ROBO1: variants seen among roughly 807,000 people sequenced by gnomAD.
ROBO1 encodes roundabout homolog 1.
Under a neutral mutation model 195.9 loss-of-function variants are expected in ROBO1, and 149 were observed. The ratio of observed to expected loss-of-function variants is 0.76; its 90% CI spans 0.67 to 0.87. The LOEUF is 0.87. ROBO1 is among the 40% of genes least tolerant of loss of function. The pLI is 0.00. For synonymous variants in ROBO1, 816 were observed against 733.2 expected (o/e 1.11, Z -1.82); for missense variants, 1,933 against 2,068.3 (o/e 0.93, Z 1.27).
intron 3 of ROBO1, among the ~76,000 whole-genome samples, chr3:78,959,432 T>C (rs1303917190): frequency 6.6e-6 from 1 of 152,206 alleles, no homozygotes; most frequent in Non-Finnish European, 1.5e-5. Context: ...TTTTTTATAT[T>C]AATTTTAAAA....
At chr3:79,183,104 TAGAG>T (rs1195889915) in intron 2 of ROBO1, among the ~76,000 whole-genome samples, 65 of 138,078 alleles carry the variant, frequency 4.7e-4, no homozygotes, top group African/African-American at 1.8e-3. Flanking sequence ...AAAAGATACA[TAGAG>T]AGAAATTAAT....
At chr3:78,728,314 C>T (rs1359878000) in intron 5 of ROBO1, among the ~76,000 whole-genome samples, 4 of 152,082 alleles carry the variant, frequency 2.6e-5, no homozygotes, top group Non-Finnish European at 4.4e-5. Context: ...CACAGGCTGT[C>T]GGGTAAACTT....
chr3:78,680,430 T>C lies in ROBO1; in HGVS notation c.1342+5316A>G, dbSNP rs567061701. ...ATGGGAGAAAATTTTCACAACCTAC[T>C]CATCTGACAAAGGGCTAATATCCGG... is the stretch of plus-strand genomic sequence containing the variant. On this transcript the variant is annotated intron_variant, in intron 10 of 30. Coordinates refer to ENST00000464233, the MANE Select transcript of ROBO1 (RefSeq NM_002941.4). Among the ~76,000 whole-genome samples, 35 of 152,012 alleles carry C rather than the reference T, an allele frequency of 2.3e-4. No individual in the cohort carries two copies. In the East Asian group the frequency reaches 6.6e-3, roughly 29 times the overall value.
intron 4 of ROBO1, among the ~76,000 whole-genome samples, chr3:78,850,099 G>A (rs1229436885): frequency 2.0e-5 from 3 of 152,114 alleles, no homozygotes; most frequent in Non-Finnish European, 2.9e-5. Context: ...AAGCCTTGAT[G>A]TGTTCCAGGC....
chr3:78,921,793 C>T (rs2038949596), intron 4 of ROBO1, among the ~76,000 whole-genome samples: 1 of 141,996 alleles, frequency 7.0e-6, no homozygotes. Flanking sequence ...TCTAACAATC[C>T]TTTTTTTTTT....
chr3:79,245,017 CA>C (rs955041516), intron 2 of ROBO1, among the ~76,000 whole-genome samples: 3 of 152,062 alleles, frequency 2.0e-5, no homozygotes, highest in African/African-American at 4.8e-5. Context: ...TTGACTACCA[CA>C]CATGATTAAA....
At chr3:79,623,241 G>C (rs184860253) in intron 1 of ROBO1, among the ~76,000 whole-genome samples, 14 of 152,270 alleles carry the variant, frequency 9.2e-5, no homozygotes, top group African/African-American at 3.4e-4. Flanking sequence ...GGATGAGAAA[G>C]AATCAATGAA....
intron 3 of ROBO1, among the ~76,000 whole-genome samples, chr3:79,052,654 G>A (rs1490850917): frequency 1.3e-5 from 2 of 152,030 alleles, no homozygotes; most frequent in Non-Finnish European, 1.5e-5. Flanking sequence ...TCTCTCTTTT[G>A]TGCTCTTTCT....
chr3:79,341,903 T>A (rs1254168481), intron 2 of ROBO1, among the ~76,000 whole-genome samples: 2 of 152,202 alleles, frequency 1.3e-5, no homozygotes, highest in African/African-American at 4.8e-5. Context: ...AGGTAATTTT[T>A]ATTCAAACAC....
At chr3:78,769,143 A>G (rs910776838) in intron 4 of ROBO1, among the ~76,000 whole-genome samples, 15 of 152,036 alleles carry the variant, frequency 9.9e-5, no homozygotes, top group Admixed American at 9.2e-4. Context: ...TAGCCTGTCT[A>G]GTGCTGTCAG....
intron 3 of ROBO1, among the ~76,000 whole-genome samples, chr3:79,016,183 T>C (rs921697821): frequency 2.6e-5 from 4 of 152,212 alleles, no homozygotes; most frequent in Non-Finnish European, 4.4e-5. Flanking sequence ...TTCAAATCGA[T>C]AGTGTTGCTT....
chr3:79,036,683 G>C (rs768297812), intron 3 of ROBO1, among the ~76,000 whole-genome samples: 14 of 152,094 alleles, frequency 9.2e-5, no homozygotes, highest in Non-Finnish European at 1.5e-4. Flanking sequence ...TATTGACTGG[G>C]AGTTTTATAA....
At chr3:79,311,919 A>C (rs180717774) in intron 2 of ROBO1, among the ~76,000 whole-genome samples, 1 of 152,156 alleles carries the variant, frequency 6.6e-6, no homozygotes. Flanking sequence ...AAGTGTCTAC[A>C]GGTCTCTATA....
chr3:79,184,507 A>G (rs1287882115), intron 2 of ROBO1, among the ~76,000 whole-genome samples: 3 of 152,140 alleles, frequency 2.0e-5, no homozygotes, highest in Admixed American at 1.3e-4. Flanking sequence ...GCACTACTCA[A>G]TGACAGAAAT....
intron 2 of ROBO1, among the ~76,000 whole-genome samples, chr3:79,493,551 T>G (rs577994112): frequency 6.6e-6 from 1 of 152,150 alleles, no homozygotes; most frequent in East Asian, 1.9e-4. Flanking sequence ...TTTGTTTTGT[T>G]TTTTGTTTTG....
At chr3:79,415,766 A>G (rs182256941) in intron 2 of ROBO1, among the ~76,000 whole-genome samples, 8 of 152,304 alleles carry the variant, frequency 5.3e-5, no homozygotes, top group African/African-American at 1.4e-4. Flanking sequence ...GAAAAAATGT[A>G]TACTGGCAAT....
intron 2 of ROBO1, among the ~76,000 whole-genome samples, chr3:79,183,710 T>G (rs2081386645): frequency 6.6e-6 from 1 of 152,216 alleles, no homozygotes; most frequent in South Asian, 2.1e-4. Context: ...TGGCAGAGTC[T>G]GGATTGGGTC....
chr3:79,136,421 G>C (rs1455885649), intron 2 of ROBO1, among the ~76,000 whole-genome samples: 1 of 152,080 alleles, frequency 6.6e-6, no homozygotes. Context: ...ACAGTGCAGA[G>C]CTTTGGCATT....
chr3:79,226,740 T>A (rs1437830740), intron 2 of ROBO1, among the ~76,000 whole-genome samples: 2 of 151,788 alleles, frequency 1.3e-5, no homozygotes, highest in Admixed American at 1.3e-4. Context: ...AGAGATAAGG[T>A]CTCCGTATGT....
Sources: allele counts gnomAD v4.1 joint callset (sites outside exome capture counted in the v4.1 genomes callset), GRCh38; gene constraint gnomAD v4.1.1; transcripts MANE v1.5; gene names NCBI Gene and HGNC (gene_info 2026-07-23, HGNC 2026-07-21).